The following KIF26A variants were observed in gnomAD, a reference collection of about 807,000 sequenced individuals.
The protein encoded by KIF26A is kinesin-like protein KIF26A.
In KIF26A, 74 loss-of-function variants were observed where a neutral mutation model predicts 126.0. The ratio of observed to expected loss-of-function variants is 0.59; its 90% CI spans 0.49 to 0.71. The LOEUF is 0.71. Among genes scored for constraint, KIF26A ranks in the 30% least tolerant of loss-of-function variants. The pLI is 0.00. For missense variants in KIF26A, 2,984 were observed against 2,763.3 expected (o/e 1.08, Z -1.79); for synonymous variants, 1,445 against 1,232.7 (o/e 1.17, Z -3.61).
In KIF26A at chr14:104,176,967, T is replaced by C. The variant is rs1212034916; in HGVS notation, c.4179T>C (p.Ala1393=). 3 of 1,535,834 alleles carry C rather than the reference T, an allele frequency of 2.0e-6. No homozygotes were observed. The highest frequency in any genetic ancestry group is 1.7e-6 in the Non-Finnish European group (2 of 1,146,232). The change falls in exon 12 of 15, where the codon GCT becomes GCC. Residue 1393 remains alanine, a synonymous_variant. Coordinates refer to ENST00000423312, the MANE Select transcript of KIF26A (RefSeq NM_015656.2). ...HAVNPARVGA[A]AVLRGEEEPR... ...TGAACCCGGCGCGGGTCGGGGCTGCTGCTGTCCTTCGAGGGGAGGAGGAGC... is the reference window on the plus strand; with the variant it reads ...TGAACCCGGCGCGGGTCGGGGCTGCCGCTGTCCTTCGAGGGGAGGAGGAGC...
At chr14:104,156,567 C>T (rs1387079520) in intron 3 of KIF26A, among the ~76,000 whole-genome samples, 2 of 152,140 alleles carry the variant, frequency 1.3e-5, no homozygotes, top group East Asian at 3.9e-4. Context: ...TGTTCCAGGT[C>T]CCGGGAGGGG....
At chr14:104,177,925 A>C (rs1274514240) in intron 12 of KIF26A, 27 bp downstream of exon 12, 1 of 1,478,454 alleles carries the variant, frequency 6.8e-7, no homozygotes, top group Non-Finnish European at 8.9e-7. Context: ...ACAGCCCTCT[A>C]CAGTTTACGG....
At position 104,148,793 on chromosome 14, in the gene KIF26A, G is replaced by A. The variant is rs2037702344; in HGVS notation, c.289-3222G>A. On this transcript the variant is annotated intron_variant, in intron 2 of 14. Transcript: ENST00000423312. The surrounding 1 kb of genome is among the most constrained non-coding windows in gnomAD (Gnocchi z 4.3). Reference sequence around the variant, plus strand: ...GAGACCCTCGCCTTCACCTTCTGGGGCCCAAGATGCCCATCCCTGGGAGCC... The same window carrying A: ...GAGACCCTCGCCTTCACCTTCTGGGACCCAAGATGCCCATCCCTGGGAGCC... Among the ~76,000 whole-genome samples, 1 of 152,124 alleles carries A rather than the reference G, an allele frequency of 6.6e-6. No homozygotes were observed. Among genetic ancestry groups the A allele is most frequent in the Admixed American group, 6.5e-5 (1 of 15,284 alleles).
In KIF26A at chr14:104,175,622, G is replaced by T; in HGVS notation, c.2834G>T (p.Arg945Met). 1 of 1,610,988 alleles carries T rather than the reference G, an allele frequency of 6.2e-7. No homozygotes were observed. Residue 945 changes from arginine to methionine, a missense_variant, in exon 12 of 15, where the codon AGG becomes ATG. By Grantham distance (91) the Arg-to-Met change is moderately conservative. Coordinates refer to ENST00000423312, the MANE Select transcript of KIF26A (RefSeq NM_015656.2). The stretch of plus-strand genomic sequence containing the variant: ...GAAAAGGCTGCAGTGAGTGGAGGCA[G>T]GAGGCCACTGCCCAGCCCGGCTCCC... ...VPEKAAVSGG[R>M]RPLPSPAPPP...
At chr14:104,138,920 G>C (rs2037609064) in intron 1 of KIF26A, 123 bp from the exon 2 acceptor site, 1 of 1,274,830 alleles carries the variant, frequency 7.8e-7, no homozygotes, top group Non-Finnish European at 9.9e-7. Context: ...GTGGGTGAGC[G>C]CCAGGGTCGT....
chr14:104,151,369 G>C lies in KIF26A; in HGVS notation c.289-646G>C, dbSNP rs1195421971. On this transcript the variant is annotated intron_variant, in intron 2 of 14. Transcript: ENST00000423312. This position sits in a 1 kb window ranked among gnomAD's most constrained non-coding sequence, Gnocchi z 4.9. ...GCATCCCAGCGTACAGCTCAGACCT[G>C]GGTGGGGGAGCTGGTGGAGTGTGCG... 6.6e-6 allele frequency among the ~76,000 whole-genome samples: 1 copy of C among 152,138 alleles called. No homozygotes were observed. Among genetic ancestry groups the C allele is most frequent in the Non-Finnish European group, 1.5e-5 (1 of 68,006 alleles).
intron 4 of KIF26A, among the ~76,000 whole-genome samples, chr14:104,159,209 C>A (rs896781308): frequency 6.6e-6 from 1 of 152,218 alleles, no homozygotes; most frequent in Non-Finnish European, 1.5e-5. Flanking sequence ...CTGGTGGGAG[C>A]AGATGGGGGT....
In KIF26A at chr14:104,169,242, C is replaced by T. The variant is rs138787491; in HGVS notation, c.1113+2194C>T. Among the ~76,000 whole-genome samples, 66 of 152,340 alleles carry T rather than the reference C, an allele frequency of 4.3e-4. 1 individual carries two copies. In the East Asian group the frequency reaches 0.011, roughly 25 times the overall value. ...GGTGGGCAGGCAGCATCCAGGTTCC[C>T]CGCCCAGCCTGGGATCGGGGCCCTG... On this transcript the variant is annotated intron_variant, in intron 5 of 14. Coordinates refer to ENST00000423312, the MANE Select transcript of KIF26A (RefSeq NM_015656.2).
rs745888439 is a variant in KIF26A at position 104,151,492 on chromosome 14, C to T, written c.289-523C>T. On this transcript the variant is annotated intron_variant, in intron 2 of 14. Coordinates refer to ENST00000423312, the MANE Select transcript of KIF26A (RefSeq NM_015656.2). This position sits in a 1 kb window ranked among gnomAD's most constrained non-coding sequence, Gnocchi z 4.9. ...TAGGAGCGTCTCCGAGGGAGGCCTT[C>T]GCTTCTGTTGACACCTTTACAGCAG... is the stretch of plus-strand genomic sequence containing the variant. Among the ~76,000 whole-genome samples, 120 of 152,304 alleles carry T rather than the reference C, an allele frequency of 7.9e-4. No individual in the cohort carries two copies. Among genetic ancestry groups the T allele is most frequent in the African/African-American group, 2.5e-3 (106 of 41,570 alleles).
intron 4 of KIF26A, among the ~76,000 whole-genome samples, chr14:104,164,701 GTGTA>G (rs150266937): frequency 0.03 from 4,538 of 151,048 alleles, 83 homozygotes; most frequent in South Asian, 0.04. Flanking sequence ...TGCTCTGTGT[GTGTA>G]TGTGTGTGAG....
chr14:104,165,135 CTG>C (rs139656357), intron 4 of KIF26A, among the ~76,000 whole-genome samples: 9,261 of 150,284 alleles, frequency 0.062, 618 homozygotes, highest in African/African-American at 0.18. Context: ...GTATATGTCT[CTG>C]TGTGTTTCTG....
intron 3 of KIF26A, among the ~76,000 whole-genome samples, chr14:104,154,512 G>A (rs1017093504): frequency 3.9e-5 from 6 of 152,246 alleles, no homozygotes; most frequent in South Asian, 2.1e-4. Flanking sequence ...GCTGTCCAGC[G>A]GTTCTTCCCG....
chr14:104,172,462 C>T, intron 6 of KIF26A, 113 bp from the exon 7 acceptor site: 1 of 688,270 alleles, frequency 1.5e-6, no homozygotes, highest in South Asian at 1.8e-5. Context: ...GGTGTGCAGC[C>T]CAATCTCCTT....
chr14:104,138,913 G>A, intron 1 of KIF26A, 130 bp from the exon 2 acceptor site: 1 of 1,264,218 alleles, frequency 7.9e-7, no homozygotes, highest in Non-Finnish European at 1.0e-6. Flanking sequence ...GGAGGGAGTG[G>A]GTGAGCGCCA....
intron 2 of KIF26A, 45 bp downstream of exon 2, chr14:104,139,333 C>T (rs768637721): frequency 2.9e-6 from 4 of 1,389,052 alleles, no homozygotes; most frequent in African/African-American, 3.0e-5. Flanking sequence ...CAGGGCCACG[C>T]CGAACTTGGG....
chr14:104,173,874 T>C lies in KIF26A; in HGVS notation c.2030+6T>C, dbSNP rs767289255. On this transcript the variant is annotated splice_donor_region_variant and intron_variant, in intron 10 of 14. Transcript: ENST00000423312. The stretch of plus-strand genomic sequence containing the variant: ...GCCAAGCATGTGCCGTATCGGTGAG[T>C]GTAGGGCCTGGGCAGGTGCCGACCA... 15 of 1,577,450 alleles carry C rather than the reference T, an allele frequency of 9.5e-6. No homozygotes were observed. Among genetic ancestry groups the C allele is most frequent in the African/African-American group, 1.3e-5 (1 of 74,312 alleles).
At position 104,173,773 on chromosome 14, in the gene KIF26A, CG is replaced by C. The variant is rs780381345; in HGVS notation, c.1939del (p.Glu647ArgfsTer52). 1.2e-6 allele frequency: 2 copies of C among 1,608,526 alleles called. No individual in the cohort carries two copies. The highest frequency in any genetic ancestry group is 1.7e-5 in the Admixed American group (1 of 59,940). On this transcript the variant is annotated frameshift_variant, in exon 10 of 15. Coordinates refer to ENST00000423312, the MANE Select transcript of KIF26A (RefSeq NM_015656.2). LOFTEE classifies it high-confidence loss of function. ...GCTGTGAGGCGGCGGCTGGCAGGGC[CG>C]GGGAGGCTGCTGGGGGTCCCCTGTG... ...GSCEAAAGRAGEAAGGPLCLS... is the reference protein window; with the variant it reads ...GSCEAAAGRAXEAAGGPLCLS...
intron 13 of KIF26A, 25 bp downstream of exon 13, chr14:104,178,780 CT>C: frequency 3.7e-6 from 5 of 1,334,690 alleles, no homozygotes; most frequent in Non-Finnish European, 5.1e-6. Flanking sequence ...GGGCTGGGGT[CT>C]ATGACCCCTG....
intron 2 of KIF26A, among the ~76,000 whole-genome samples, chr14:104,146,669 T>C (rs893910645): frequency 1.3e-5 from 2 of 152,104 alleles, no homozygotes; most frequent in Admixed American, 6.5e-5. Flanking sequence ...GCTGTGACCA[T>C]GGGGAGGGCC....
Sources: allele counts gnomAD v4.1 joint callset (sites outside exome capture counted in the v4.1 genomes callset), GRCh38; gene constraint gnomAD v4.1.1; non-coding constraint Gnocchi (gnomAD v3.1); transcripts MANE v1.5; gene names NCBI Gene and HGNC (gene_info 2026-07-23, HGNC 2026-07-21).